ARHGEF18: variants seen among roughly 807,000 people sequenced by gnomAD.
ARHGEF18 encodes the protein Rho/Rac guanine nucleotide exchange factor 18.
In ARHGEF18, 93 loss-of-function variants were observed where a neutral mutation model predicts 155.7. The ratio of observed to expected loss-of-function variants is 0.60; its 90% CI spans 0.50 to 0.71. ARHGEF18 has a LOEUF of 0.71. Ranked by LOEUF, ARHGEF18 falls within the 30% of genes least tolerant of loss-of-function variation. The pLI is 0.00. For missense variants in ARHGEF18, 1,593 were observed against 1,816.1 expected (o/e 0.88, Z 2.23); for synonymous variants, 742 against 753.1 (o/e 0.99, Z 0.24).
intron 4 of ARHGEF18, among the ~76,000 whole-genome samples, chr19:7,376,163 C>T (rs1412567420): frequency 1.3e-5 from 2 of 152,162 alleles, no homozygotes; most frequent in Non-Finnish European, 2.9e-5. Flanking sequence ...CTTGCAGTTT[C>T]AGCCAGGCTT....
rs1389835812 is a variant in ARHGEF18, at chr19:7,382,311, G to C, written c.723-481G>C. 2.6e-5 allele frequency among the ~76,000 whole-genome samples: 4 copies of C among 152,082 alleles called. No homozygotes were observed. The South Asian group carries it at 8.3e-4, about 32-fold the overall frequency. ...CTCGGGAGGCTGAGGCATGAGAATC[G>C]CTTGAACCTGGAGGCAGAGGCTGCA... On this transcript the variant is annotated intron_variant, in intron 8 of 28. Transcript: ENST00000668164.
chr19:7,407,110 T>C (rs1972363657), intron 10 of ARHGEF18, among the ~76,000 whole-genome samples: 1 of 142,958 alleles, frequency 7.0e-6, no homozygotes, highest in Non-Finnish European at 1.5e-5. Context: ...CTCAGGATGG[T>C]AGGGAACTTG....
intron 23 of ARHGEF18, among the ~76,000 whole-genome samples, chr19:7,466,584 C>T (rs112185684): frequency 1.8e-4 from 27 of 150,674 alleles, no homozygotes; most frequent in African/African-American, 6.1e-4. Context: ...GGGCGGATCA[C>T]CTGAGGTCAG....
chr19:7,421,350 TAC>T (rs1973339530), intron 10 of ARHGEF18, among the ~76,000 whole-genome samples: 1 of 152,246 alleles, frequency 6.6e-6, no homozygotes, highest in South Asian at 2.1e-4. Flanking sequence ...AGACCAAAAA[TAC>T]AGTGTTCTCA....
chr19:7,385,267 A>G (rs572030295), intron 10 of ARHGEF18, among the ~76,000 whole-genome samples: 1 of 152,094 alleles, frequency 6.6e-6, no homozygotes, highest in East Asian at 1.9e-4. Context: ...GAGCTGAACC[A>G]TGCACTTCCT....
chr19:7,360,073 TG>T (rs1969482788), intron 1 of ARHGEF18, among the ~76,000 whole-genome samples: 1 of 152,044 alleles, frequency 6.6e-6, no homozygotes, highest in Non-Finnish European at 1.5e-5. Context: ...GAGAATCGCT[TG>T]TACCCAGGAG....
intron 1 of ARHGEF18, among the ~76,000 whole-genome samples, chr19:7,362,078 A>G (rs1969611818): frequency 5.2e-5 from 1 of 19,348 alleles, no homozygotes; most frequent in African/African-American, 3.7e-4. Flanking sequence ...AAGGAGAAGG[A>G]GAAGGAGAAG....
chr19:7,413,599 C>CAA (rs71179107), intron 10 of ARHGEF18, among the ~76,000 whole-genome samples: 1 of 151,808 alleles, frequency 6.6e-6, no homozygotes, highest in Middle Eastern at 3.4e-3. Context: ...CTGCGCCCGG[C>CAA]AAAAAAATCT....
chr19:7,470,117 CTG>C lies in ARHGEF18; in HGVS notation c.3914-7_3914-6del. 4 of 1,612,380 alleles carry C rather than the reference CTG, an allele frequency of 2.5e-6. No individual in the cohort carries two copies. The Middle Eastern group carries it at 5.0e-4, about 200-fold the overall frequency. The stretch of plus-strand genomic sequence containing the variant: ...CGACTGCTCAGTCTGAACCCTCTCT[CTG>C]TTCCAGACCCTGGCTTCCCCGCCCC... On this transcript the variant is annotated splice_polypyrimidine_tract_variant and splice_region_variant and intron_variant, in intron 28 of 28. Coordinates refer to ENST00000668164, the MANE Select transcript of ARHGEF18 (RefSeq NM_001367823.1). The surrounding 1 kb of genome is among the most constrained non-coding windows in gnomAD (Gnocchi z 5.9).
chr19:7,385,441 T>TTCA (rs1405562895), intron 10 of ARHGEF18, among the ~76,000 whole-genome samples: 4 of 135,054 alleles, frequency 3.0e-5, no homozygotes, highest in African/African-American at 5.6e-5. Context: ...ATCTGGGAAC[T>TTCA]TCATTATTAT....
chr19:7,352,531 C>CTTTTTTT (rs35219215), intron 1 of ARHGEF18, among the ~76,000 whole-genome samples: 10 of 93,194 alleles, frequency 1.1e-4, no homozygotes, highest in East Asian at 3.3e-4. Flanking sequence ...CCTAGGTTTC[C>CTTTTTTT]TTTTTTTTTT....
intron 17 of ARHGEF18, among the ~76,000 whole-genome samples, 185 bp downstream of exon 17, chr19:7,453,900 G>A (rs1395023277): frequency 6.6e-6 from 1 of 152,198 alleles, no homozygotes; most frequent in African/African-American, 2.4e-5. Context: ...TCCTGTATCA[G>A]TGGGTACCAT....
chr19:7,362,062 AAGG>A lies in ARHGEF18; in HGVS notation c.-110-716_-110-714del, dbSNP rs1472050632. Among the ~76,000 whole-genome samples, 40 of 33,844 alleles carry A rather than the reference AAGG, an allele frequency of 1.2e-3. 3 individuals are homozygous for A. The East Asian group carries it at 0.017, about 14-fold the overall frequency. The allele number at this position is 33,844 out of a possible 152,430, so 22.2% of individuals were successfully genotyped here. A position where few individuals can be genotyped will look rare whatever the true frequency, so the allele number is the denominator to read the frequency against. On this transcript the variant is annotated intron_variant, in intron 1 of 28. Coordinates refer to ENST00000668164, the MANE Select transcript of ARHGEF18 (RefSeq NM_001367823.1). Reference sequence around the variant, plus strand: ...GAAGGAGAAGGAGAAGGAGAAGGAGAAGGAGAAGGAGAAGGAGAAGGAGAAGGA... The same window carrying A: ...GAAGGAGAAGGAGAAGGAGAAGGAGAAGAAGGAGAAGGAGAAGGAGAAGGA...
chr19:7,427,051 CT>C (rs1157297055), intron 10 of ARHGEF18, among the ~76,000 whole-genome samples: 1 of 152,120 alleles, frequency 6.6e-6, no homozygotes, highest in Non-Finnish European at 1.5e-5. Flanking sequence ...CTTTTTCCCT[CT>C]CGTAAGCTCG....
At chr19:7,473,211 G>A (rs971721055), downstream of ARHGEF18, 14 of 456,130 alleles carry the variant, frequency 3.1e-5, no homozygotes, top group Non-Finnish European at 6.2e-5. Flanking sequence ...GGACCCTGCT[G>A]TTTCAACAGA....
Position 7,444,396 on chromosome 19 carries a change from A to G in ARHGEF18, c.1553A>G (p.Glu518Gly). The change falls in exon 14 of 29, where the codon GAG (glutamate) becomes GGG (glycine). Residue 518 changes from glutamate (E) to glycine (G), a missense_variant. Coordinates refer to ENST00000668164, the MANE Select transcript of ARHGEF18 (RefSeq NM_001367823.1). The surrounding 1 kb of genome is among the most constrained non-coding windows in gnomAD (Gnocchi z 4.7). ...AAGGAGCGCCGCCAGGAGTCCCTGG[A>G]GGAGGGCAGTGACCGGAATTATGTC... ...RLKERRQESLEEGSDRNYVIQ... is the reference protein window; with the variant it reads ...RLKERRQESLGEGSDRNYVIQ... 1 of 1,613,718 alleles carries G rather than the reference A, an allele frequency of 6.2e-7. No individual in the cohort carries two copies. The highest frequency in any genetic ancestry group is 1.1e-5 in the South Asian group (1 of 91,080).
intron 2 of ARHGEF18, among the ~76,000 whole-genome samples, chr19:7,365,690 G>T (rs8108129): frequency 0.11 from 16,338 of 152,156 alleles, 2,386 homozygotes; most frequent in African/African-American, 0.33. Flanking sequence ...CCTGAGTCTC[G>T]ATTCTCATCA....
chr19:7,469,586 G>T (rs939422547), intron 27 of ARHGEF18, among the ~76,000 whole-genome samples: 1 of 152,222 alleles, frequency 6.6e-6, no homozygotes, highest in African/African-American at 2.4e-5. Context: ...CTCCCTGGGG[G>T]ACAACCAGGG....
At position 7,440,060 on chromosome 19, in the gene ARHGEF18, C is replaced by G. The variant is rs1175588508; in HGVS notation, c.968-284C>G. On this transcript the variant is annotated intron_variant, in intron 10 of 28. Coordinates refer to ENST00000668164, the MANE Select transcript of ARHGEF18 (RefSeq NM_001367823.1). The surrounding 1 kb of genome is among the most constrained non-coding windows in gnomAD (Gnocchi z 5.4). ...CACCGAGGCATAAAAACGGCGCAGC[C>G]CAGCCTGGCGCCGCGCCGGGTCCCG... 2 of 1,550,640 alleles carry G rather than the reference C, an allele frequency of 1.3e-6. No homozygotes were observed. Among genetic ancestry groups the G allele is most frequent in the Non-Finnish European group, 1.7e-6 (2 of 1,146,696 alleles).
Sources: gnomAD v4.1 joint callset for allele counts (sites outside exome capture counted in the v4.1 genomes callset) on GRCh38, gnomAD v4.1.1 for gene constraint, Gnocchi (gnomAD v3.1) non-coding constraint, MANE v1.5 for transcripts, NCBI Gene and HGNC (gene_info 2026-07-23, HGNC 2026-07-21) for gene names.